The following PER2 variants were observed in gnomAD, a reference collection of about 807,000 sequenced individuals.
The protein encoded by PER2 is period circadian protein homolog 2.
In PER2, 66 loss-of-function variants were observed where a neutral mutation model predicts 121.0. That is an observed-to-expected ratio of 0.55 (90% CI 0.45 to 0.67). The LOEUF (loss-of-function observed/expected upper bound fraction) is 0.67, where lower values mean the gene tolerates loss of function less well. Ranked by LOEUF, PER2 falls within the 30% of genes least tolerant of loss-of-function variation. The probability of loss-of-function intolerance (pLI) is 0.00; values close to 1 mark genes in which losing one functional copy is unlikely to be tolerated. For synonymous variants in PER2, 684 were observed against 659.9 expected, an observed-to-expected ratio of 1.04 and a Z score of -0.56; for missense variants, 1,521 against 1,635.0, an observed-to-expected ratio of 0.93 and a Z score of 1.20.
At chr2:238,250,222 C>T (rs1204989258) in intron 21 of PER2, among the ~76,000 whole-genome samples, 2 of 152,228 alleles carry the variant, frequency 1.3e-5, no homozygotes, top group African/African-American at 4.8e-5. Context: ...GGTTACTGGG[C>T]AACAAAGCAA....
chr2:238,268,005 T>A lies in PER2; in HGVS notation c.967+51A>T. 6.2e-7 allele frequency: 1 copy of A among 1,604,278 alleles called. No homozygotes were observed. The highest frequency in any genetic ancestry group is 8.5e-7 in the Non-Finnish European group (1 of 1,174,196). ...GTTATGTGTGAACCACAGGAGTAAC[T>A]GAGGGGGAGCCAGAGACAACATCTG... On this transcript the variant is annotated intron_variant, in intron 8 of 22. Transcript: ENST00000254657. The surrounding 1 kb of genome is among the most constrained non-coding windows in gnomAD (Gnocchi z 4.0).
chr2:238,297,254 G>A, the PER2 span, among the ~76,000 whole-genome samples: 90 of 152,280 alleles, frequency 5.9e-4, 1 homozygote, highest in South Asian at 0.018. Flanking sequence ...AGGGGCTCTC[G>A]GGAGGAAAGG....
rs559307271 is a variant in PER2 at position 238,261,711 on chromosome 2, T to C, written c.1416+18A>G. 1.3e-6 allele frequency: 2 copies of C among 1,511,822 alleles called. No individual in the cohort carries two copies. Among genetic ancestry groups the C allele is most frequent in the African/African-American group, 2.8e-5 (2 of 72,416 alleles). 93.7% of individuals were successfully genotyped at this position (1,511,822 alleles called of 1,614,324 possible). ...CAGGCTGCTACCTGGGAGGAGGACA[T>C]GCAGGCACCACACCCACCTGCAGCA... On this transcript the variant is annotated intron_variant, in intron 12 of 22. Transcript: ENST00000254657.
intron 18 of PER2, among the ~76,000 whole-genome samples, chr2:238,254,575 C>G (rs3892365): frequency 6.6e-6 from 1 of 152,166 alleles, no homozygotes; most frequent in Non-Finnish European, 1.5e-5. Context: ...CTGGTGGGAA[C>G]AGTGGCTAAA....
intron 2 of PER2, 58 bp downstream of exon 2, chr2:238,277,649 A>T: frequency 5.7e-6 from 9 of 1,592,220 alleles, no homozygotes; most frequent in Non-Finnish European, 7.7e-6. Flanking sequence ...TCACAGCAGA[A>T]ATGAGCCACT....
chr2:238,246,563 A>T (rs1209388819), intron 22 of PER2, 39 bp from the exon 23 acceptor site: 2 of 1,432,568 alleles, frequency 1.4e-6, no homozygotes, highest in Admixed American at 3.4e-5. Flanking sequence ...AACAAACTTG[A>T]GATCTGAGTT....
At chr2:238,264,034 G>C (rs1364938615) in intron 9 of PER2, among the ~76,000 whole-genome samples, 1 of 151,918 alleles carries the variant, frequency 6.6e-6, no homozygotes, top group Non-Finnish European at 1.5e-5. Flanking sequence ...AAAAGAAGGA[G>C]GGGAGGAGGA....
Position 238,252,705 on chromosome 2 carries a change from C to T in PER2, c.3111+207G>A, listed in dbSNP as rs774963578. On this transcript the variant is annotated intron_variant, in intron 19 of 22. Coordinates refer to ENST00000254657, the MANE Select transcript of PER2 (RefSeq NM_022817.3). This position sits in a 1 kb window ranked among gnomAD's most constrained non-coding sequence, Gnocchi z 4.2. ...TCTCTCCTCCTTCATTCAGATTCCA[C>T]GACAATAAAAGGCTTCGAATAATCT... Among the ~76,000 whole-genome samples, 7 of 152,198 alleles carry T rather than the reference C, an allele frequency of 4.6e-5. No homozygotes were observed. Among genetic ancestry groups the T allele is most frequent in the Admixed American group, 2.6e-4 (4 of 15,284 alleles).
At chr2:238,281,781 T>C (rs777304176) in intron 1 of PER2, among the ~76,000 whole-genome samples, 1 of 152,210 alleles carries the variant, frequency 6.6e-6, no homozygotes, top group Non-Finnish European at 1.5e-5. Flanking sequence ...GGTGTAGTAA[T>C]AGGGTATTTC....
chr2:238,293,091 G>T (rs995966572), upstream of PER2, among the ~76,000 whole-genome samples: 1 of 151,434 alleles, frequency 6.6e-6, no homozygotes, highest in African/African-American at 2.4e-5. Context: ...TTAATCCATG[G>T]CAATAGTTAT....
At chr2:238,288,791 A>C (rs1574865870), upstream of PER2, among the ~76,000 whole-genome samples, 1 of 151,664 alleles carries the variant, frequency 6.6e-6, no homozygotes, top group East Asian at 1.9e-4. Context: ...CGCCGCTGTC[A>C]CATAGTGGAA....
chr2:238,286,602 C>T (rs186672393), intron 1 of PER2, among the ~76,000 whole-genome samples: 1 of 152,296 alleles, frequency 6.6e-6, no homozygotes, highest in Non-Finnish European at 1.5e-5. Context: ...AGAAGTGTGG[C>T]GACAGTCTCT....
At chr2:238,280,277 A>G (rs956956771) in intron 1 of PER2, among the ~76,000 whole-genome samples, 1 of 152,232 alleles carries the variant, frequency 6.6e-6, no homozygotes, top group Non-Finnish European at 1.5e-5. Context: ...GAGCCACTCC[A>G]GGACAGCCTG....
At chr2:238,279,901 A>C (rs1696579417) in intron 1 of PER2, among the ~76,000 whole-genome samples, 1 of 152,190 alleles carries the variant, frequency 6.6e-6, no homozygotes, top group African/African-American at 2.4e-5. Context: ...ACCCCTGAGG[A>C]AGTGGCTAGT....
At chr2:238,250,529 T>A in intron 21 of PER2, 22 bp downstream of exon 21, 1 of 1,590,542 alleles carries the variant, frequency 6.3e-7, no homozygotes, top group Non-Finnish European at 8.6e-7. Context: ...CCCAGGTGCC[T>A]AGGAAAACGC....
In PER2 at chr2:238,246,297, C is replaced by A; in HGVS notation, c.*78G>T. On this transcript the variant is annotated 3_prime_UTR_variant, in exon 23 of 23. Transcript: ENST00000254657. ...GCATATGTGTCCATTTCAGTGGAAA[C>A]AGCCATGAAGATCTTTCATCTCTTC... 9.3e-7 allele frequency: 1 copy of A among 1,080,044 alleles called. No individual in the cohort carries two copies. Among genetic ancestry groups the A allele is most frequent in the Non-Finnish European group, 1.3e-6 (1 of 759,548 alleles). The allele number at this position is 1,080,044 out of a possible 1,614,324, so 66.9% of individuals were successfully genotyped here. A position where few individuals can be genotyped will look rare whatever the true frequency, so the allele number is the denominator to read the frequency against.
chr2:238,278,359 C>G (rs186264084), intron 1 of PER2, among the ~76,000 whole-genome samples: 202 of 152,330 alleles, frequency 1.3e-3, no homozygotes, highest in Middle Eastern at 6.8e-3. Context: ...GCCAACCACA[C>G]GCAGCCAAAA....
rs1437931021 is a variant in PER2 at position 238,252,484 on chromosome 2, G to A, written c.3111+428C>T. On this transcript the variant is annotated intron_variant, in intron 19 of 22. Transcript: ENST00000254657. The surrounding 1 kb of genome is among the most constrained non-coding windows in gnomAD (Gnocchi z 4.2). ...TGCGGAGGATGGAAACTGAGGTCAC[G>A]CTGGTTTTAGGGCTGTGTCCCCCTC... is the stretch of plus-strand genomic sequence containing the variant. 6.6e-6 allele frequency among the ~76,000 whole-genome samples: 1 copy of A among 152,228 alleles called. No homozygotes were observed.
Position 238,258,587 on chromosome 2 carries a change from C to T in PER2, c.1685G>A (p.Ser562Asn), listed in dbSNP as rs202103918. The part of the protein sequence containing the change: ...KKAVPAMEKD[S>N]LGVSFPEELA... Reference sequence around the variant, plus strand: ...CTCCTCGGGGAAGCTGACCCCCAGGCTGTCCTTTTCCATGGCAGGGACAGC... The same window carrying T: ...CTCCTCGGGGAAGCTGACCCCCAGGTTGTCCTTTTCCATGGCAGGGACAGC... The change falls in exon 15 of 23, where the codon AGC becomes AAC. Residue 562 changes from serine (S) to asparagine (N), a missense_variant. Coordinates refer to ENST00000254657, the MANE Select transcript of PER2 (RefSeq NM_022817.3). The T allele has an allele frequency of 7.4e-6, 12 of 1,614,096 alleles. No homozygotes were observed. The African/African-American group carries it at 1.3e-4, about 18-fold the overall frequency.
Sources: allele counts gnomAD v4.1 joint callset (sites outside exome capture counted in the v4.1 genomes callset), GRCh38; gene constraint gnomAD v4.1.1; non-coding constraint Gnocchi (gnomAD v3.1); transcripts MANE v1.5; gene names NCBI Gene and HGNC (gene_info 2026-07-23, HGNC 2026-07-21).